DNAJC3: variants seen among roughly 807,000 people sequenced by gnomAD.
The protein encoded by DNAJC3 is dnaJ homolog subfamily C member 3.
A neutral mutation model predicts 68.6 loss-of-function variants in DNAJC3; 38 were observed. The observed-to-expected ratio is 0.55, with a 90% CI of 0.43 to 0.73. The LOEUF (loss-of-function observed/expected upper bound fraction) is 0.73. Among genes scored for constraint, DNAJC3 ranks in the 30% least tolerant of loss-of-function variants. The probability of loss-of-function intolerance (pLI) is 0.00; values close to 1 mark genes in which losing one functional copy is unlikely to be tolerated. For missense variants in DNAJC3, 526 were observed against 591.9 expected, an observed-to-expected ratio of 0.89 and a Z score of 1.16; for synonymous variants, 203 against 204.0, an observed-to-expected ratio of 1.00 and a Z score of 0.04.
At chr13:95,752,917 C>T (rs1882525256) in intron 4 of DNAJC3, among the ~76,000 whole-genome samples, 1 of 152,176 alleles carries the variant, frequency 6.6e-6, no homozygotes, top group Non-Finnish European at 1.5e-5. Context: ...TATATTCCCA[C>T]CAGCAGCATA....
At chr13:95,708,039 C>A (rs955402447) in intron 1 of DNAJC3, among the ~76,000 whole-genome samples, 1 of 152,106 alleles carries the variant, frequency 6.6e-6, no homozygotes, top group Non-Finnish European at 1.5e-5. Context: ...AGGAACTGGA[C>A]CCCTGGGCAT....
intron 1 of DNAJC3, chr13:95,695,030 C>G (rs1439879550): frequency 6.6e-6 from 1 of 152,328 alleles, no homozygotes; most frequent in African/African-American, 2.4e-5. Flanking sequence ...TCAGCCATTC[C>G]ATATATTGGA....
chr13:95,715,613 G>A (rs1003624032), intron 2 of DNAJC3, among the ~76,000 whole-genome samples: 4 of 151,326 alleles, frequency 2.6e-5, no homozygotes, highest in Admixed American at 1.3e-4. Context: ...TGAGCAGCCC[G>A]AGCAGCTAGG....
At chr13:95,711,313 C>T (rs779956626) in intron 2 of DNAJC3, among the ~76,000 whole-genome samples, 1 of 152,078 alleles carries the variant, frequency 6.6e-6, no homozygotes, top group Non-Finnish European at 1.5e-5. Flanking sequence ...GCCCGGACAA[C>T]ATGGTGAAAC....
At chr13:95,727,067 A>C (rs1247286897) in intron 4 of DNAJC3, among the ~76,000 whole-genome samples, 2 of 152,208 alleles carry the variant, frequency 1.3e-5, no homozygotes, top group Non-Finnish European at 2.9e-5. Context: ...GTGCCGGAGT[A>C]ATCTTTCCCT....
chr13:95,774,879 A>G (rs1883254794), intron 9 of DNAJC3, among the ~76,000 whole-genome samples: 1 of 152,192 alleles, frequency 6.6e-6, no homozygotes, highest in Non-Finnish European at 1.5e-5. Flanking sequence ...TATGTCTCTT[A>G]TAGACATCAT....
intron 1 of DNAJC3, among the ~76,000 whole-genome samples, chr13:95,682,631 A>G (rs1415816338): frequency 1.3e-5 from 2 of 152,094 alleles, no homozygotes; most frequent in Admixed American, 6.6e-5. Flanking sequence ...GGAGAAACCT[A>G]TTGTCTAATG....
At chr13:95,721,517 AC>A (rs1402633956) in intron 2 of DNAJC3, among the ~76,000 whole-genome samples, 1 of 152,126 alleles carries the variant, frequency 6.6e-6, no homozygotes, top group African/African-American at 2.4e-5. Context: ...ATACCATCTT[AC>A]ATCCCACCAA....
chr13:95,732,598 C>G (rs1881748378), intron 4 of DNAJC3, among the ~76,000 whole-genome samples: 1 of 151,758 alleles, frequency 6.6e-6, no homozygotes. Flanking sequence ...TGTGGTTTAT[C>G]AATTTGTTTA....
intron 4 of DNAJC3, among the ~76,000 whole-genome samples, chr13:95,750,859 G>T (rs1882453122): frequency 6.6e-6 from 1 of 152,000 alleles, no homozygotes; most frequent in Non-Finnish European, 1.5e-5. Context: ...CCAAGCTCAT[G>T]GGTAGTATTC....
intron 5 of DNAJC3, among the ~76,000 whole-genome samples, chr13:95,759,190 A>G (rs570876574): frequency 2.2e-4 from 34 of 152,334 alleles, no homozygotes; most frequent in African/African-American, 7.9e-4. Context: ...ACTTTTTGAT[A>G]AAATAGGAAT....
At chr13:95,752,028 A>C (rs1882496927) in intron 4 of DNAJC3, among the ~76,000 whole-genome samples, 1 of 152,214 alleles carries the variant, frequency 6.6e-6, no homozygotes, top group Non-Finnish European at 1.5e-5. Context: ...TGGGAGCTAC[A>C]ATTCAAGATG....
At chr13:95,764,325 A>G (rs999132605) in intron 9 of DNAJC3, among the ~76,000 whole-genome samples, 1 of 149,874 alleles carries the variant, frequency 6.7e-6, no homozygotes, top group African/African-American at 2.5e-5. Context: ...ATATTACTCT[A>G]TATTTTATGC....
In DNAJC3 at chr13:95,711,671, T is replaced by A. The variant is rs559303822; in HGVS notation, c.193+2334T>A. On this transcript the variant is annotated intron_variant, in intron 2 of 11. Transcript: ENST00000602402. ...CACTCTACCAGAAAAAATATCAATTTTAAATGGGTATAAGCCTAATAACAT... is the reference window on the plus strand; with the variant it reads ...CACTCTACCAGAAAAAATATCAATTATAAATGGGTATAAGCCTAATAACAT... Among the ~76,000 whole-genome samples the A allele has an allele frequency of 2.2e-4, 34 of 152,242 alleles. No individual in the cohort carries two copies. The South Asian group carries it at 7.0e-3, about 32-fold the overall frequency.
In DNAJC3 at chr13:95,794,743, A is replaced by T. The variant is rs1883909633; in HGVS notation, c.*3713A>T. ...GTCTGTGGCTGAAACACTTACCTGCAGTGGAAAGCCGAGCAAGGAGGAGGT... is the reference window on the plus strand; with the variant it reads ...GTCTGTGGCTGAAACACTTACCTGCTGTGGAAAGCCGAGCAAGGAGGAGGT... On this transcript the variant is annotated 3_prime_UTR_variant, in exon 12 of 12. Transcript: ENST00000602402. The T allele has an allele frequency of 6.6e-6, 1 of 152,234 alleles. No homozygotes were observed. Among genetic ancestry groups the T allele is most frequent in the Admixed American group, 6.5e-5 (1 of 15,290 alleles). The allele number at this position is 152,234 out of a possible 1,614,324, so 9.4% of individuals were successfully genotyped here.
rs746132095 is a variant in DNAJC3 at position 95,757,706 on chromosome 13, T to C, written c.456T>C (p.Asp152=). The C allele has an allele frequency of 3.8e-6, 6 of 1,587,614 alleles. No individual in the cohort carries two copies. The highest frequency in any genetic ancestry group is 4.3e-6 in the Non-Finnish European group (5 of 1,158,890). The change falls in exon 5 of 12, where the codon GAT becomes GAC. Residue 152 remains aspartate (D), a synonymous_variant. Transcript: ENST00000602402. The part of the protein sequence containing the change: ...KEAQSQLIKS[D]EMQRLRSQAL... Reference sequence around the variant, plus strand: ...CACAGTCTCAACTTATAAAATCTGATGAAATGCAGCGTTTGCGTTCACAAG... The same window carrying C: ...CACAGTCTCAACTTATAAAATCTGACGAAATGCAGCGTTTGCGTTCACAAG...
At chr13:95,727,333 G>GTTAA (rs1186737534) in intron 4 of DNAJC3, among the ~76,000 whole-genome samples, 4 of 151,980 alleles carry the variant, frequency 2.6e-5, no homozygotes, top group Admixed American at 1.3e-4. Context: ...ATATGCCTTG[G>GTTAA]GTTAATGTCT....
At chr13:95,692,476 T>C (rs1038365301) in intron 1 of DNAJC3, 1 of 152,116 alleles carries the variant, frequency 6.6e-6, no homozygotes, top group Non-Finnish European at 1.5e-5. Flanking sequence ...TGTATATGTT[T>C]AGCATAGTTA....
intron 9 of DNAJC3, among the ~76,000 whole-genome samples, chr13:95,778,481 A>G (rs80083203): frequency 1.3e-5 from 2 of 151,982 alleles, no homozygotes; most frequent in Non-Finnish European, 2.9e-5. Flanking sequence ...ATTGGAATAC[A>G]AAAAAAATGG....
Sources: gnomAD v4.1 joint callset for allele counts (sites outside exome capture counted in the v4.1 genomes callset) on GRCh38, gnomAD v4.1.1 for gene constraint, MANE v1.5 for transcripts, NCBI Gene and HGNC (gene_info 2026-07-23, HGNC 2026-07-21) for gene names.